The following GCM2 variants were observed in gnomAD, a reference collection of about 807,000 sequenced individuals.
GCM2 encodes GCM transcription factor 2.
GCM2 carries 21 observed loss-of-function variants against 24.8 expected under a neutral mutation model. That is an observed-to-expected ratio of 0.85 (90% CI 0.60 to 1.22). The LOEUF (loss-of-function observed/expected upper bound fraction) is 1.22, where lower values mean the gene tolerates loss of function less well. GCM2 is among the 50% of genes most tolerant of loss of function. The probability of loss-of-function intolerance (pLI) is 0.00; values close to 1 mark genes in which losing one functional copy is unlikely to be tolerated. For missense variants in GCM2, 532 were observed against 645.6 expected (o/e 0.82, Z 1.91); for synonymous variants, 222 against 238.0 (o/e 0.93, Z 0.62).
chr6:10,874,074 C>T lies in GCM2; in HGVS notation c.1442G>A (p.Cys481Tyr). 1 of 1,614,238 alleles carries T rather than the reference C, an allele frequency of 6.2e-7. No individual in the cohort carries two copies. The highest frequency in any genetic ancestry group is 8.5e-7 in the Non-Finnish European group (1 of 1,180,052). Residue 481 changes from cysteine to tyrosine, a missense_variant, in exon 5 of 5, where the codon TGT becomes TAT. Physicochemically the swap from Cys to Tyr is radical, Grantham distance 194 (BLOSUM62 -2). This residue lies in a region of GCM2 where 434 missense variants were observed against 521.9 expected (regional missense o/e 0.83). Coordinates refer to ENST00000379491, the MANE Select transcript of GCM2 (RefSeq NM_004752.4). ...RTDEAETWDV[C>Y]LSGLGSAVSY... ...GACTGCGGAGCCCAGCCCAGACAGACACACATCCCAAGTCTCTGCTTCATC... is the reference window on the plus strand; with the variant it reads ...GACTGCGGAGCCCAGCCCAGACAGATACACATCCCAAGTCTCTGCTTCATC...
At chr6:10,880,309 A>C (rs1041578062) in intron 1 of GCM2, among the ~76,000 whole-genome samples, 1 of 152,130 alleles carries the variant, frequency 6.6e-6, no homozygotes, top group African/African-American at 2.4e-5. Context: ...AAAACAAAGG[A>C]GTAAAACACA....
rs767148740 is a variant in GCM2, at chr6:10,874,933, C to T, written c.583G>A (p.Ala195Thr). The T allele has an allele frequency of 1.9e-5, 31 of 1,604,488 alleles. No homozygotes were observed. Among genetic ancestry groups the T allele is most frequent in the Admixed American group, 3.3e-5 (2 of 59,990 alleles). Residue 195 changes from alanine to threonine, a missense_variant and splice_region_variant, in exon 5 of 5, where the codon GCA becomes ACA. By Grantham distance (58) the Ala-to-Thr change is moderately conservative. Coordinates refer to ENST00000379491, the MANE Select transcript of GCM2 (RefSeq NM_004752.4). ...PQKKRIRESEAEENQDSSGHF... is the reference protein window; with the variant it reads ...PQKKRIRESETEENQDSSGHF... ...CCACTGCTGTCTTGATTTTCTTCTG[C>T]CTAGAAAAATGATACAAACATAGAC...
chr6:10,875,996 A>G lies in GCM2; in HGVS notation c.477T>C (p.His159=), dbSNP rs387907431. Residue 159 remains histidine, a synonymous_variant, in exon 4 of 5, where the codon CAT becomes CAC. Coordinates refer to ENST00000379491, the MANE Select transcript of GCM2 (RefSeq NM_004752.4). ...IFFQAKGVHD[H]PRPESKSETE... ...TCTCTGATTTGCTCTCTGGTCTTGGATGATCATGAACTCCCTTGGCCTGCG... is the reference window on the plus strand; with the variant it reads ...TCTCTGATTTGCTCTCTGGTCTTGGGTGATCATGAACTCCCTTGGCCTGCG... The G allele has an allele frequency of 2.7e-5, 44 of 1,613,856 alleles. No individual in the cohort carries two copies. The highest frequency in any genetic ancestry group is 3.6e-5 in the Non-Finnish European group (42 of 1,179,910).
rs765918099 is a variant in GCM2, at chr6:10,877,208, G to T, written c.275C>A (p.Thr92Asn). Reference protein sequence around the residue: ...LGVVVCTQACTLPDGSRLQLR... With the variant: ...LGVVVCTQACNLPDGSRLQLR... ...CTGCAGGCGGGAACCGTCGGGCAGG[G>T]TGCAGGCCTGTGTACACACCACCAC... The change falls in exon 2 of 5, where the codon ACC becomes AAC. Residue 92 changes from threonine (T) to asparagine (N), a missense_variant. Coordinates refer to ENST00000379491, the MANE Select transcript of GCM2 (RefSeq NM_004752.4). 3 of 1,614,008 alleles carry T rather than the reference G, an allele frequency of 1.9e-6. No individual in the cohort carries two copies. The highest frequency in any genetic ancestry group is 2.7e-5 in the African/African-American group (2 of 74,954).
In GCM2 at chr6:10,874,475, G is replaced by A. The variant is rs1248548904; in HGVS notation, c.1041C>T (p.Asn347=). Residue 347 remains asparagine (N), a synonymous_variant, in exon 5 of 5, where the codon AAC becomes AAT. Transcript: ENST00000379491. ...TGGCCATGGCCTGAAACTGCCCATG[G>A]TTAGTCCTTTCCACAAGGCTGGGTT... ...LGKPSLVERT[N]HGQFQAMATR... 8 of 1,614,072 alleles carry A rather than the reference G, an allele frequency of 5.0e-6. No homozygotes were observed. Among genetic ancestry groups the A allele is most frequent in the Non-Finnish European group, 5.9e-6 (7 of 1,180,046 alleles).
In GCM2 at chr6:10,875,670, T is replaced by G. The variant is rs12201787; in HGVS notation, c.582+221A>C. On this transcript the variant is annotated intron_variant, in intron 4 of 4. Coordinates refer to ENST00000379491, the MANE Select transcript of GCM2 (RefSeq NM_004752.4). ...GCTCAGCACACTGACATATCAGGAC[T>G]GTATCATTGCCTGTAGAGATTGTTG... is the stretch of plus-strand genomic sequence containing the variant. 0.12 allele frequency among the ~76,000 whole-genome samples: 18,859 copies of G among 152,222 alleles called. 1,328 individuals carry two copies. The highest frequency in any genetic ancestry group is 0.16 in the Non-Finnish European group (10,542 of 67,990).
rs574268563 is a variant in GCM2 at position 10,874,838 on chromosome 6, A to G, written c.678T>C (p.Pro226=). The G allele has an allele frequency of 6.2e-7, 1 of 1,613,784 alleles. No homozygotes were observed. Among genetic ancestry groups the G allele is most frequent in the South Asian group, 1.1e-5 (1 of 91,068 alleles). The change falls in exon 5 of 5, where the codon CCT becomes CCC. Residue 226 remains proline, a synonymous_variant. Transcript: ENST00000379491. ...DFDIVTETSF[P]IPGQPCPSFP... is the part of the protein sequence containing the mutation. ...AGGAAGGGCAAGGCTGCCCTGGAAT[A>G]GGGAAGCTGGTTTCAGTAACTATAT... is the stretch of plus-strand genomic sequence containing the variant.
Position 10,874,193 on chromosome 6 carries a change from A to G in GCM2, c.1323T>C (p.Ser441=). Residue 441 remains serine, a synonymous_variant, in exon 5 of 5, where the codon TCT becomes TCC. Coordinates refer to ENST00000379491, the MANE Select transcript of GCM2 (RefSeq NM_004752.4). The stretch of plus-strand genomic sequence containing the variant: ...TTTTCATAGGAGGTGGCCCTGAAGG[A>G]GAGGCTGCCCTGGTGACTGTCACCG... The part of the protein sequence containing the change: ...GPPVTVTRAA[S]PSGPPPMKIA... 1 of 1,614,186 alleles carries G rather than the reference A, an allele frequency of 6.2e-7. No homozygotes were observed. Among genetic ancestry groups the G allele is most frequent in the Non-Finnish European group, 8.5e-7 (1 of 1,180,030 alleles).
At chr6:10,881,609 TG>T in intron 1 of GCM2, 94 bp downstream of exon 1, 1 of 637,808 alleles carries the variant, frequency 1.6e-6, no homozygotes, top group Non-Finnish European at 2.7e-6. Context: ...TGTGTGTGTA[TG>T]GTCCGTCCGC....
In GCM2 at chr6:10,875,944, T is replaced by TCTTGATGGCG; in HGVS notation, c.519_528dup (p.Gln178HisfsTer44). ...GGTTGGTAGAAAGAGGCCATTTGTCTCTTGATGGCGCTTCTTCTAGCTTCT... is the reference window on the plus strand; with the variant it reads ...GGTTGGTAGAAAGAGGCCATTTGTCTCTTGATGGCGCTTGATGGCGCTTCTTCTAGCTTCT... On this transcript the variant is annotated frameshift_variant, in exon 4 of 5. Transcript: ENST00000379491. LOFTEE classifies it high-confidence loss of function. The TCTTGATGGCG allele has an allele frequency of 6.2e-7, 1 of 1,613,840 alleles. No homozygotes were observed. The highest frequency in any genetic ancestry group is 8.5e-7 in the Non-Finnish European group (1 of 1,179,732).
chr6:10,881,922 G>A lies in GCM2; in HGVS notation c.-129C>T. On this transcript the variant is annotated 5_prime_UTR_variant, in exon 1 of 5. Transcript: ENST00000379491. ...GGGGTGTGTGAAGGGGAGGTGCAGA[G>A]AGAGAGAAAGAGAGAGAGGCTGTTT... is the stretch of plus-strand genomic sequence containing the variant. The A allele has an allele frequency of 2.8e-6, 2 of 715,164 alleles. No homozygotes were observed. The highest frequency in any genetic ancestry group is 2.5e-6 in the Non-Finnish European group (1 of 404,944). 44.3% of individuals were successfully genotyped at this position (715,164 alleles called of 1,614,324 possible).
In GCM2 at chr6:10,874,401, G is replaced by A. The variant is rs1383907183; in HGVS notation, c.1115C>T (p.Pro372Leu). The A allele has an allele frequency of 1.9e-6, 3 of 1,614,122 alleles. No individual in the cohort carries two copies. The highest frequency in any genetic ancestry group is 1.1e-5 in the South Asian group (1 of 91,088). Residue 372 changes from proline to leucine, a missense_variant, in exon 5 of 5, where the codon CCA becomes CTA. Transcript: ENST00000379491. ...TTGTAGGGCAGGGGCACCTGGTGGT[G>A]GAGTCGTGAGGTACCTGCAGGGAAG... ...PELPCRYLTT[P>L]PPGAPALQTV... is the part of the protein sequence containing the mutation.
At chr6:10,879,115 A>G (rs2113252404) in intron 1 of GCM2, among the ~76,000 whole-genome samples, 1 of 152,320 alleles carries the variant, frequency 6.6e-6, no homozygotes, top group East Asian at 1.9e-4. Flanking sequence ...CATAGGTATT[A>G]TTTATCTTTT....
chr6:10,878,147 T>G (rs1249377372), intron 1 of GCM2, among the ~76,000 whole-genome samples: 1 of 152,136 alleles, frequency 6.6e-6, no homozygotes, highest in East Asian at 1.9e-4. Context: ...GGACTGTCAT[T>G]CTCCTCAACA....
In GCM2 at chr6:10,874,393, C is replaced by G. The variant is rs779451285; in HGVS notation, c.1123G>C (p.Gly375Arg). ...PCRYLTTPPP[G>R]APALQTVITT... ...ATCACGGTTTGTAGGGCAGGGGCAC[C>G]TGGTGGTGGAGTCGTGAGGTACCTG... The change falls in exon 5 of 5, where the codon GGT (glycine) becomes CGT (arginine). Residue 375 changes from glycine (G) to arginine (R), a missense_variant. Gly to Arg is a moderately radical substitution (Grantham distance 125). Transcript: ENST00000379491. 1 of 1,614,148 alleles carries G rather than the reference C, an allele frequency of 6.2e-7. No individual in the cohort carries two copies. The highest frequency in any genetic ancestry group is 8.5e-7 in the Non-Finnish European group (1 of 1,180,024).
rs764576494 is a variant in GCM2 at position 10,874,383 on chromosome 6, G to C, written c.1133C>G (p.Ala378Gly). The C allele has an allele frequency of 6.2e-7, 1 of 1,614,236 alleles. No homozygotes were observed. Among genetic ancestry groups the C allele is most frequent in the South Asian group, 1.1e-5 (1 of 91,090 alleles). ...GGTGGTGGTGATCACGGTTTGTAGG[G>C]CAGGGGCACCTGGTGGTGGAGTCGT... ...YLTTPPPGAP[A>G]LQTVITTTTK... Residue 378 changes from alanine (A) to glycine (G), a missense_variant, in exon 5 of 5, where the codon GCC (alanine) becomes GGC (glycine). Ala to Gly is a moderately conservative substitution (Grantham distance 60). Transcript: ENST00000379491.
At chr6:10,878,511 G>A (rs1289939870) in intron 1 of GCM2, among the ~76,000 whole-genome samples, 1 of 151,992 alleles carries the variant, frequency 6.6e-6, no homozygotes, top group Admixed American at 6.5e-5. Context: ...TAGAGATGGG[G>A]TTTCACCATG....
At chr6:10,877,099 A>G (rs1292195017) in intron 2 of GCM2, 41 bp downstream of exon 2, 1 of 1,603,520 alleles carries the variant, frequency 6.2e-7, no homozygotes, top group Admixed American at 1.7e-5. Context: ...CAAAAAACTC[A>G]TGACTCCAAG....
At chr6:10,880,026 C>T (rs1356900429) in intron 1 of GCM2, among the ~76,000 whole-genome samples, 1 of 152,140 alleles carries the variant, frequency 6.6e-6, no homozygotes, top group African/African-American at 2.4e-5. Flanking sequence ...GAGGCTAAGG[C>T]GGGTGGATCA....
Sources: gnomAD v4.1 joint callset for allele counts (sites outside exome capture counted in the v4.1 genomes callset) on GRCh38, gnomAD v4.1.1 for gene constraint, gnomAD v4.1.1 regional missense constraint, MANE v1.5 for transcripts, NCBI Gene and HGNC (gene_info 2026-07-23, HGNC 2026-07-21) for gene names.